The following ITIH3 variants were observed in gnomAD, a reference collection of about 807,000 sequenced individuals.
ITIH3 encodes inter-alpha-trypsin inhibitor heavy chain 3.
Under a neutral mutation model 96.5 loss-of-function variants are expected in ITIH3, and 81 were observed. The ratio of observed to expected loss-of-function variants is 0.84; its 90% CI spans 0.70 to 1.01. The LOEUF is 1.01. Among genes scored for constraint, ITIH3 ranks in the 50% least tolerant of loss-of-function variants. The probability of loss-of-function intolerance (pLI) is 0.00; values close to 1 mark genes in which losing one functional copy is unlikely to be tolerated. For synonymous variants in ITIH3, 422 were observed against 445.2 expected (o/e 0.95, Z 0.66); for missense variants, 1,057 against 1,139.3 (o/e 0.93, Z 1.04).
rs767337990 is a variant in ITIH3, at chr3:52,803,997, A to G, written c.1852A>G (p.Lys618Glu). Residue 618 changes from lysine (K) to glutamate (E), a missense_variant, in exon 14 of 22, where the codon AAG becomes GAG. Physicochemically the swap from Lys to Glu is moderately conservative, Grantham distance 56 (BLOSUM62 1). Coordinates refer to ENST00000449956, the MANE Select transcript of ITIH3 (RefSeq NM_002217.4). ...CGAGGATGAGAGGGCCATTGCCGAC[A>G]AGCCTGGGGAAGGTGGGGATAGGGA... Reference protein sequence around the residue: ...DNEDERAIADKPGEDAEATPV... With the variant: ...DNEDERAIADEPGEDAEATPV... 2 of 1,612,998 alleles carry G rather than the reference A, an allele frequency of 1.2e-6. No homozygotes were observed. Among genetic ancestry groups the G allele is most frequent in the African/African-American group, 2.7e-5 (2 of 75,038 alleles).
Position 52,805,843 on chromosome 3 carries a change from G to A in ITIH3, c.1906+3G>A, listed in dbSNP as rs771043762. 6.2e-7 allele frequency: 1 copy of A among 1,613,764 alleles called. No homozygotes were observed. The highest frequency in any genetic ancestry group is 2.2e-5 in the East Asian group (1 of 44,868). ...GAGCCCCGCCATGTCCTACCTGAGT[G>A]AGTACATGCTGGCAGCTGCCACTCC... On this transcript the variant is annotated splice_donor_region_variant and intron_variant, in intron 16 of 21. Coordinates refer to ENST00000449956, the MANE Select transcript of ITIH3 (RefSeq NM_002217.4).
intron 7 of ITIH3, 138 bp from the exon 8 acceptor site, chr3:52,799,234 C>T: frequency 2.5e-6 from 3 of 1,223,116 alleles, no homozygotes; most frequent in Non-Finnish European, 3.5e-6. Context: ...GGCCTAGAGC[C>T]TGGTGCAGCA....
intron 7 of ITIH3, 128 bp from the exon 8 acceptor site, chr3:52,799,244 A>AC: frequency 8.3e-7 from 1 of 1,198,520 alleles, no homozygotes; most frequent in Non-Finnish European, 1.2e-6. Context: ...CTGGTGCAGC[A>AC]CCCCCTAGAG....
Position 52,796,430 on chromosome 3 carries a change from CT to C in ITIH3, c.115-50del. Reference sequence around the variant, plus strand: ...CAAGGGAGGTGGCTGGGTTGCAAACCTGCTTCTCCAGTGTCCCAGTCTGGCT... The same window carrying C: ...CAAGGGAGGTGGCTGGGTTGCAAACCGCTTCTCCAGTGTCCCAGTCTGGCT... On this transcript the variant is annotated intron_variant, in intron 2 of 21. Coordinates refer to ENST00000449956, the MANE Select transcript of ITIH3 (RefSeq NM_002217.4). 1.9e-6 allele frequency: 3 copies of C among 1,564,712 alleles called. No homozygotes were observed. In the South Asian group the frequency reaches 3.5e-5, roughly 18 times the overall value.
In ITIH3 at chr3:52,800,669, G is replaced by A; in HGVS notation, c.1201+6G>A. The A allele has an allele frequency of 1.3e-6, 2 of 1,598,114 alleles. No homozygotes were observed. Among genetic ancestry groups the A allele is most frequent in the Non-Finnish European group, 8.5e-7 (1 of 1,172,482 alleles). On this transcript the variant is annotated splice_donor_region_variant and intron_variant, in intron 10 of 21. Coordinates refer to ENST00000449956, the MANE Select transcript of ITIH3 (RefSeq NM_002217.4). ...TGATGGGGATGCCAATGTTGGTGAG[G>A]AGCACGGGCATGGTTTTGAGCTAGG...
intron 1 of ITIH3, 32 bp from the exon 2 acceptor site, chr3:52,795,571 T>C (rs1377807999): frequency 1.9e-6 from 3 of 1,604,142 alleles, no homozygotes; most frequent in Non-Finnish European, 2.6e-6. Flanking sequence ...TTGGCCTGAT[T>C]CCTGTGTTTG....
Position 52,806,929 on chromosome 3 carries a change from C to A in ITIH3, c.2085C>A (p.Gly695=), listed in dbSNP as rs1421140576. The change falls in exon 19 of 22, where the codon GGC becomes GGA. Residue 695 remains glycine, a synonymous_variant. Transcript: ENST00000449956. Reference sequence around the variant, plus strand: ...TCACAGTTAATGGGCAGATCACTGGCGACAAGAGAGGCAGCCCTGACTCCA... The same window carrying A: ...TCACAGTTAATGGGCAGATCACTGGAGACAAGAGAGGCAGCCCTGACTCCA... ...TGLTVNGQIT[G]DKRGSPDSKT... The A allele has an allele frequency of 6.3e-7, 1 of 1,590,604 alleles. No individual in the cohort carries two copies. Among genetic ancestry groups the A allele is most frequent in the Non-Finnish European group, 8.6e-7 (1 of 1,168,466 alleles).
intron 14 of ITIH3, chr3:52,804,401 G>A (rs1699962161): frequency 6.8e-6 from 3 of 440,050 alleles, no homozygotes; most frequent in Non-Finnish European, 1.2e-5. Flanking sequence ...GAGAGCTGGA[G>A]GCTGGGACCC....
rs79449861 is a variant in ITIH3 at position 52,802,381 on chromosome 3, G to A, written c.1431G>A (p.Met477Ile). Residue 477 changes from methionine (M) to isoleucine (I), a missense_variant, in exon 12 of 22, where the codon ATG becomes ATA. Transcript: ENST00000449956. The stretch of plus-strand genomic sequence containing the variant: ...ACCCACTGCTGACGGGTGTGGAGAT[G>A]GAGTACCCCGAGAACGCTATCCTGG... ...VANPLLTGVE[M>I]EYPENAILDL... 3.0e-3 allele frequency: 4,850 copies of A among 1,613,962 alleles called. 131 individuals carry two copies. In the African/African-American group the frequency reaches 0.056, roughly 19 times the overall value.
chr3:52,802,534 G>A lies in ITIH3; in HGVS notation c.1569+15G>A, dbSNP rs369301072. 5.0e-6 allele frequency: 8 copies of A among 1,613,344 alleles called. No homozygotes were observed. Among genetic ancestry groups the A allele is most frequent in the Non-Finnish European group, 6.8e-6 (8 of 1,179,682 alleles). ...AGGGCCATGGGGTGAGTGGGGACAGGGCCTGGAAGTGTGCTGGGGATGGGG... is the reference window on the plus strand; with the variant it reads ...AGGGCCATGGGGTGAGTGGGGACAGAGCCTGGAAGTGTGCTGGGGATGGGG... On this transcript the variant is annotated intron_variant, in intron 12 of 21. Transcript: ENST00000449956.
At chr3:52,802,072 G>T in intron 11 of ITIH3, 1 of 435,726 alleles carries the variant, frequency 2.3e-6, no homozygotes, top group Non-Finnish European at 4.1e-6. Flanking sequence ...TTTGTGCTAA[G>T]AACTCTGTCC....
intron 11 of ITIH3, among the ~76,000 whole-genome samples, chr3:52,801,523 G>A (rs1242626557): frequency 3.3e-5 from 5 of 152,118 alleles, no homozygotes; most frequent in East Asian, 1.9e-4. Flanking sequence ...TCCAGAGCCC[G>A]GACATCCCAG....
chr3:52,794,914 T>C lies in ITIH3; in HGVS notation c.93+18T>C. On this transcript the variant is annotated intron_variant, in intron 1 of 21. Transcript: ENST00000449956. ...TGCTTGGGGTGAGTCTGCCCCCTCT[T>C]TGCCATCTGGGTCTTGGTGTGGAAT... 2 of 1,600,256 alleles carry C rather than the reference T, an allele frequency of 1.2e-6. No homozygotes were observed. The highest frequency in any genetic ancestry group is 8.6e-7 in the Non-Finnish European group (1 of 1,167,530).
rs1178252139 is a variant in ITIH3 at position 52,803,853 on chromosome 3, A to G, written c.1710-2A>G. 1 of 1,613,808 alleles carries G rather than the reference A, an allele frequency of 6.2e-7. No individual in the cohort carries two copies. The highest frequency in any genetic ancestry group is 2.2e-5 in the East Asian group (1 of 44,890). On this transcript the variant is annotated splice_acceptor_variant, in intron 13 of 21. Transcript: ENST00000449956. LOFTEE classifies it high-confidence loss of function. The stretch of plus-strand genomic sequence containing the variant: ...GTCCTCCTGACTGGCCCCTCCTCAC[A>G]GCAAGAACGCCCATGGCGAGGAGAA...
chr3:52,797,390 T>A, intron 5 of ITIH3, 123 bp downstream of exon 5: 1 of 1,050,794 alleles, frequency 9.5e-7, no homozygotes, highest in Non-Finnish European at 1.4e-6. Flanking sequence ...CATCCTTGGC[T>A]GGGAAGGCTG....
chr3:52,795,248 G>A (rs1348949151), intron 1 of ITIH3, among the ~76,000 whole-genome samples: 2 of 152,236 alleles, frequency 1.3e-5, no homozygotes, highest in East Asian at 3.8e-4. Flanking sequence ...CGGGGGCAGG[G>A]GTGCTCTGGA....
chr3:52,800,060 G>T, intron 9 of ITIH3, 139 bp downstream of exon 9: 1 of 744,698 alleles, frequency 1.3e-6, no homozygotes, highest in Non-Finnish European at 2.1e-6. Flanking sequence ...GGGAGTGGAT[G>T]GTCCTCAGGC....
chr3:52,799,337 G>A, intron 7 of ITIH3, 35 bp from the exon 8 acceptor site: 1 of 1,485,066 alleles, frequency 6.7e-7, no homozygotes, highest in South Asian at 1.2e-5. Context: ...GTTGCTAAAA[G>A]GACACCGGCC....
chr3:52,798,052 A>T, intron 6 of ITIH3, 122 bp downstream of exon 6: 1 of 640,930 alleles, frequency 1.6e-6, no homozygotes. Context: ...GGGGCTGGGG[A>T]TCAATCTGCA....
Sources: gnomAD v4.1 joint callset for allele counts (sites outside exome capture counted in the v4.1 genomes callset) on GRCh38, gnomAD v4.1.1 for gene constraint, MANE v1.5 for transcripts, NCBI Gene and HGNC (gene_info 2026-07-23, HGNC 2026-07-21) for gene names.